The following CAST variants were observed in gnomAD, a reference collection of about 807,000 sequenced individuals.
The protein encoded by CAST is calpastatin.
CAST carries 76 observed loss-of-function variants against 119.6 expected under a neutral mutation model. The ratio of observed to expected loss-of-function variants is 0.64; its 90% CI spans 0.53 to 0.77. The LOEUF is 0.77. CAST is among the 30% of genes least tolerant of loss of function. The pLI is 0.00. For missense variants in CAST, 953 were observed against 946.5 expected, an observed-to-expected ratio of 1.01 and a Z score of -0.09; for synonymous variants, 319 against 331.6, an observed-to-expected ratio of 0.96 and a Z score of 0.41.
At chr5:96,324,172 C>A in the CAST span, among the ~76,000 whole-genome samples, 1 of 152,056 alleles carries the variant, frequency 6.6e-6, no homozygotes, top group African/African-American at 2.4e-5. Flanking sequence ...TCCCTAGGAC[C>A]CTTATCCTTT....
At chr5:96,506,344 C>T in the CAST span, among the ~76,000 whole-genome samples, 1 of 152,174 alleles carries the variant, frequency 6.6e-6, no homozygotes, top group Non-Finnish European at 1.5e-5. Flanking sequence ...GCTGAGGCAC[C>T]AAGTATCAGA....
the CAST span, among the ~76,000 whole-genome samples, chr5:96,281,080 A>G: frequency 1.3e-5 from 2 of 152,256 alleles, no homozygotes; most frequent in Non-Finnish European, 2.9e-5. Flanking sequence ...ATCTGGAGAT[A>G]TCAAGATACA....
At chr5:96,376,078 T>C in the CAST span, among the ~76,000 whole-genome samples, 153 of 151,768 alleles carry the variant, frequency 1.0e-3, 1 homozygote, top group Non-Finnish European at 1.8e-3. Flanking sequence ...TCTTTTCTTT[T>C]CTTTTCTCAG....
chr5:96,768,743 T>A (rs1251967782), intron 29 of CAST, among the ~76,000 whole-genome samples: 3 of 152,208 alleles, frequency 2.0e-5, no homozygotes, highest in Non-Finnish European at 2.9e-5. Context: ...CTTTTCTGTC[T>A]GCTTAGCCCA....
chr5:96,741,686 T>G (rs1762716232), intron 15 of CAST, 106 bp downstream of exon 15: 5 of 728,810 alleles, frequency 6.9e-6, no homozygotes, highest in Non-Finnish European at 1.2e-5. Flanking sequence ...CATGATTTTT[T>G]CCCTCTCAGG....
chr5:96,369,597 G>T, the CAST span, among the ~76,000 whole-genome samples: 1 of 152,134 alleles, frequency 6.6e-6, no homozygotes, highest in Admixed American at 6.6e-5. Context: ...TTGGGAAGAT[G>T]ATCGTAGAAG....
chr5:96,450,601 T>C, the CAST span, among the ~76,000 whole-genome samples: 1 of 152,100 alleles, frequency 6.6e-6, no homozygotes, highest in African/African-American at 2.4e-5. Flanking sequence ...AATAAGTAAA[T>C]AATCCTCATA....
At chr5:96,209,295 T>C in the CAST span, among the ~76,000 whole-genome samples, 2 of 152,196 alleles carry the variant, frequency 1.3e-5, no homozygotes, top group African/African-American at 2.4e-5. Flanking sequence ...TGCTTTTTAA[T>C]TGAGCATTTA....
At chr5:96,280,506 A>G in the CAST span, among the ~76,000 whole-genome samples, 1 of 152,222 alleles carries the variant, frequency 6.6e-6, no homozygotes, top group Non-Finnish European at 1.5e-5. Context: ...GAGAGAGCCA[A>G]TGCATCCAGA....
intron 2 of CAST, among the ~76,000 whole-genome samples, chr5:96,678,598 A>C (rs1750976752): frequency 6.6e-6 from 1 of 152,142 alleles, no homozygotes; most frequent in Admixed American, 6.5e-5. Context: ...TAATCCCAGC[A>C]CTTTGGGATG....
At chr5:95,969,174 A>G in the CAST span, among the ~76,000 whole-genome samples, 2 of 152,210 alleles carry the variant, frequency 1.3e-5, no homozygotes, top group Admixed American at 6.5e-5. Context: ...AGATGGAGCC[A>G]ATAAAGATGG....
intron 2 of CAST, among the ~76,000 whole-genome samples, chr5:96,682,991 ACTC>A (rs1751630570): frequency 5.9e-5 from 9 of 151,518 alleles, no homozygotes; most frequent in African/African-American, 1.9e-4. Context: ...CACCCTGCCC[ACTC>A]CACTGAACGC....
chr5:96,469,879 AATATAT>A, the CAST span, among the ~76,000 whole-genome samples: 1 of 107,420 alleles, frequency 9.3e-6, no homozygotes, highest in South Asian at 2.6e-4. Context: ...ATATATATAT[AATATAT>A]ATATACACAC....
At chr5:96,071,829 C>T in the CAST span, among the ~76,000 whole-genome samples, 1 of 151,970 alleles carries the variant, frequency 6.6e-6, no homozygotes, top group African/African-American at 2.4e-5. Flanking sequence ...GGACTTAATT[C>T]AAAATATTTG....
chr5:96,726,404 A>C (rs1759251352), intron 4 of CAST, among the ~76,000 whole-genome samples: 1 of 152,202 alleles, frequency 6.6e-6, no homozygotes, highest in Non-Finnish European at 1.5e-5. Flanking sequence ...AAATATTTAC[A>C]ATTTTGGGGG....
chr5:96,430,455 A>G, the CAST span, among the ~76,000 whole-genome samples: 2 of 152,224 alleles, frequency 1.3e-5, no homozygotes, highest in African/African-American at 4.8e-5. Flanking sequence ...GAATCTTCCT[A>G]TAAGCTGTGG....
chr5:96,099,127 C>T, the CAST span, among the ~76,000 whole-genome samples: 1 of 152,102 alleles, frequency 6.6e-6, no homozygotes, highest in South Asian at 2.1e-4. Context: ...CTTGGCCGGA[C>T]TGTTGTTGGT....
the CAST span, among the ~76,000 whole-genome samples, chr5:96,045,669 G>A: frequency 2.0e-5 from 3 of 152,092 alleles, no homozygotes; most frequent in East Asian, 5.8e-4. Flanking sequence ...GCAACCCTAT[G>A]AGGCAGATAC....
chr5:96,696,578 T>G (rs548384940), intron 3 of CAST, among the ~76,000 whole-genome samples: 35 of 151,550 alleles, frequency 2.3e-4, no homozygotes, highest in Non-Finnish European at 3.2e-4. Flanking sequence ...GGCTCATGCC[T>G]GTAATCGCAG....
Sources: gnomAD v4.1 joint callset for allele counts (sites outside exome capture counted in the v4.1 genomes callset) on GRCh38, gnomAD v4.1.1 for gene constraint, MANE v1.5 for transcripts, NCBI Gene and HGNC (gene_info 2026-07-23, HGNC 2026-07-21) for gene names.